PLXDC2: variants seen among roughly 807,000 people sequenced by gnomAD.
PLXDC2 encodes the protein plexin domain-containing protein 2.
PLXDC2 carries 40 observed loss-of-function variants against 68.9 expected under a neutral mutation model. That is an observed-to-expected ratio of 0.58 (90% CI 0.45 to 0.76). PLXDC2 has a LOEUF of 0.76. Among genes scored for constraint, PLXDC2 ranks in the 30% least tolerant of loss-of-function variants. PLXDC2 has a pLI of 0.00. For synonymous variants in PLXDC2, 243 were observed against 234.2 expected, an observed-to-expected ratio of 1.04 and a Z score of -0.34; for missense variants, 644 against 661.9, an observed-to-expected ratio of 0.97 and a Z score of 0.30.
At chr10:20,129,153 TC>T (rs200301654) in intron 4 of PLXDC2, among the ~76,000 whole-genome samples, 4,378 of 152,274 alleles carry the variant, frequency 0.029, 90 homozygotes, top group South Asian at 0.073. Flanking sequence ...TTGTTATCTT[TC>T]ATGTTGCTCA....
chr10:20,236,817 C>T (rs184763200), intron 12 of PLXDC2, among the ~76,000 whole-genome samples: 226 of 152,242 alleles, frequency 1.5e-3, no homozygotes, highest in Middle Eastern at 6.8e-3. Context: ...TTTAAGATAT[C>T]TGCACATACA....
intron 3 of PLXDC2, among the ~76,000 whole-genome samples, chr10:20,059,789 A>T (rs1176351315): frequency 6.6e-6 from 1 of 151,960 alleles, no homozygotes; most frequent in Non-Finnish European, 1.5e-5. Context: ...TTAAAAAAAA[A>T]TTCTACATGG....
chr10:20,030,135 T>C (rs994977113), intron 2 of PLXDC2, among the ~76,000 whole-genome samples: 2 of 152,072 alleles, frequency 1.3e-5, no homozygotes, highest in Non-Finnish European at 2.9e-5. Context: ...GTACAGCATC[T>C]CTTTGGGGCA....
intron 6 of PLXDC2, among the ~76,000 whole-genome samples, chr10:20,148,249 G>A (rs769346418): frequency 2.1e-4 from 29 of 135,950 alleles, no homozygotes; most frequent in Admixed American, 9.7e-4. Context: ...TTATATTTAC[G>A]TATTTTCTTT....
In PLXDC2 at chr10:19,971,086, T is replaced by A. The variant is rs577514022; in HGVS notation, c.113-30689T>A. On this transcript the variant is annotated intron_variant, in intron 1 of 13. Transcript: ENST00000377252. ...TCTTAGTAAGACTTTTGATTTTAGA[T>A]ATGATTTAATATAATATATGGTTAA... 1.7e-4 allele frequency among the ~76,000 whole-genome samples: 26 copies of A among 152,302 alleles called. No individual in the cohort carries two copies. In the South Asian group the frequency reaches 3.9e-3, roughly 23 times the overall value.
chr10:19,911,183 T>A (rs373794569), intron 1 of PLXDC2, among the ~76,000 whole-genome samples: 121 of 151,858 alleles, frequency 8.0e-4, no homozygotes, highest in African/African-American at 2.9e-3. Flanking sequence ...AAAGTGTGAG[T>A]ACAGATTATC....
At chr10:20,228,745 AT>A (rs1294526125) in intron 12 of PLXDC2, among the ~76,000 whole-genome samples, 2 of 152,072 alleles carry the variant, frequency 1.3e-5, no homozygotes, top group Admixed American at 6.5e-5. Context: ...TGTGAATAAA[AT>A]CAAGAGTGTC....
At chr10:20,035,494 C>T (rs1458144422) in intron 2 of PLXDC2, among the ~76,000 whole-genome samples, 3 of 151,858 alleles carry the variant, frequency 2.0e-5, no homozygotes, top group East Asian at 1.9e-4. Flanking sequence ...GTCGGGAGTT[C>T]GAGACCAGCC....
At chr10:20,018,655 C>A (rs746610745) in intron 2 of PLXDC2, among the ~76,000 whole-genome samples, 10 of 152,108 alleles carry the variant, frequency 6.6e-5, no homozygotes, top group Non-Finnish European at 1.5e-4. Flanking sequence ...CTATTAATTG[C>A]ATGTAAATAT....
chr10:20,175,116 A>G (rs1170346927), intron 7 of PLXDC2, among the ~76,000 whole-genome samples: 1 of 152,138 alleles, frequency 6.6e-6, no homozygotes, highest in African/African-American at 2.4e-5. Context: ...ATGCAGCAAA[A>G]AACTTGTATG....
intron 1 of PLXDC2, among the ~76,000 whole-genome samples, chr10:19,882,280 T>G (rs1426612206): frequency 6.6e-6 from 1 of 152,236 alleles, no homozygotes; most frequent in Non-Finnish European, 1.5e-5. Context: ...TAAACATCAA[T>G]GCATTATTAT....
At chr10:20,052,130 G>A (rs1564297273) in intron 3 of PLXDC2, among the ~76,000 whole-genome samples, 1 of 151,050 alleles carries the variant, frequency 6.6e-6, no homozygotes, top group East Asian at 1.9e-4. Context: ...GTTTCCATTT[G>A]AAAAAAAATG....
At position 20,085,992 on chromosome 10, in the gene PLXDC2, AC is replaced by A. The variant is rs1216725596; in HGVS notation, c.541+17754del. Among the ~76,000 whole-genome samples, 6 of 152,222 alleles carry A rather than the reference AC, an allele frequency of 3.9e-5. No individual in the cohort carries two copies. The South Asian group carries it at 1.2e-3, about 32-fold the overall frequency. Reference sequence around the variant, plus strand: ...ACTCATCCCTCAATAGAATCTAATTACTTTCTTGTAATGGTTTGCTTGACAA... The same window carrying A: ...ACTCATCCCTCAATAGAATCTAATTATTTCTTGTAATGGTTTGCTTGACAA... On this transcript the variant is annotated intron_variant, in intron 4 of 13. Coordinates refer to ENST00000377252, the MANE Select transcript of PLXDC2 (RefSeq NM_032812.9).
chr10:20,137,516 A>G (rs1249838347), intron 4 of PLXDC2, among the ~76,000 whole-genome samples: 3 of 152,252 alleles, frequency 2.0e-5, no homozygotes, highest in Non-Finnish European at 2.9e-5. Flanking sequence ...CTTCCAATTA[A>G]AATAACAGAG....
intron 7 of PLXDC2, among the ~76,000 whole-genome samples, chr10:20,165,737 G>A (rs528415673): frequency 4.9e-4 from 74 of 152,248 alleles, no homozygotes; most frequent in Admixed American, 8.5e-4. Context: ...TTTAAATTAC[G>A]TTTGCCCATC....
chr10:20,160,426 G>A (rs933880926), intron 6 of PLXDC2, among the ~76,000 whole-genome samples: 3 of 152,124 alleles, frequency 2.0e-5, no homozygotes, highest in Non-Finnish European at 2.9e-5. Context: ...TAAAGGTAGA[G>A]TATTTCACCC....
chr10:20,062,703 T>C (rs536582738), intron 3 of PLXDC2, among the ~76,000 whole-genome samples: 1 of 152,246 alleles, frequency 6.6e-6, no homozygotes, highest in East Asian at 1.9e-4. Context: ...GATGAATAAA[T>C]TTTATGTGGA....
chr10:20,149,222 TTC>T (rs1491070687), intron 6 of PLXDC2, among the ~76,000 whole-genome samples: 4 of 131,262 alleles, frequency 3.0e-5, no homozygotes, highest in Non-Finnish European at 6.5e-5. Context: ...TTCTTTTTTT[TTC>T]TTTTCTTTTT....
At chr10:20,039,272 A>C (rs1835635331) in intron 2 of PLXDC2, among the ~76,000 whole-genome samples, 1 of 152,210 alleles carries the variant, frequency 6.6e-6, no homozygotes. Context: ...CACTTACAGC[A>C]AAAAATCACT....
Sources: allele counts gnomAD v4.1 joint callset (sites outside exome capture counted in the v4.1 genomes callset), GRCh38; gene constraint gnomAD v4.1.1; transcripts MANE v1.5; gene names NCBI Gene and HGNC (gene_info 2026-07-23, HGNC 2026-07-21).